The following CSMD1 variants were observed in gnomAD, a reference collection of about 807,000 sequenced individuals.
CSMD1 encodes CUB and sushi domain-containing protein 1.
CSMD1 carries 213 observed loss-of-function variants against 417.5 expected under a neutral mutation model. The observed-to-expected ratio is 0.51, with a 90% CI of 0.46 to 0.57. The LOEUF is 0.57. Among genes scored for constraint, CSMD1 ranks in the 20% least tolerant of loss-of-function variants. The probability of loss-of-function intolerance (pLI) is 0.00; values close to 1 mark genes in which losing one functional copy is unlikely to be tolerated. For synonymous variants in CSMD1, 2,862 were observed against 1,736.8 expected (o/e 1.65, Z -16.11); for missense variants, 6,923 against 4,529.7 (o/e 1.53, Z -15.17).
chr8:3,833,854 C>T lies in CSMD1; in HGVS notation c.819-79812G>A, dbSNP rs1207769711. On this transcript the variant is annotated intron_variant, in intron 5 of 69. Transcript: ENST00000635120. Reference sequence around the variant, plus strand: ...AATATAAGACGTTTTTCTTTAACTCCCAAACTTTGATTTGAAGTGTAGTTG... The same window carrying T: ...AATATAAGACGTTTTTCTTTAACTCTCAAACTTTGATTTGAAGTGTAGTTG... 3.9e-5 allele frequency among the ~76,000 whole-genome samples: 6 copies of T among 152,110 alleles called. No homozygotes were observed. The East Asian group carries it at 9.7e-4, about 24-fold the overall frequency.
chr8:3,837,296 C>A (rs1308946153), intron 5 of CSMD1, among the ~76,000 whole-genome samples: 2 of 152,106 alleles, frequency 1.3e-5, no homozygotes, highest in Admixed American at 1.3e-4. Context: ...TCTTCAACAA[C>A]AGAAGAAAAT....
chr8:4,763,563 T>C (rs182614928), intron 1 of CSMD1, among the ~76,000 whole-genome samples: 177 of 152,312 alleles, frequency 1.2e-3, no homozygotes, highest in Non-Finnish European at 1.9e-3. Flanking sequence ...AGCAGATCTA[T>C]TGTCTTACTT....
intron 3 of CSMD1, among the ~76,000 whole-genome samples, chr8:4,148,536 T>C (rs1291000267): frequency 1.3e-5 from 2 of 151,588 alleles, no homozygotes; most frequent in East Asian, 3.9e-4. Context: ...AAAAACGCAT[T>C]GGCTACTTGG....
chr8:4,021,632 T>C (rs1262568134), intron 4 of CSMD1, among the ~76,000 whole-genome samples: 1 of 152,188 alleles, frequency 6.6e-6, no homozygotes, highest in Admixed American at 6.5e-5. Flanking sequence ...GCTGCTCTTT[T>C]TAAACTCTCT....
chr8:4,059,972 C>T (rs919890620), intron 3 of CSMD1, among the ~76,000 whole-genome samples: 7 of 152,172 alleles, frequency 4.6e-5, no homozygotes, highest in Admixed American at 2.0e-4. Context: ...ATACCAAAGC[C>T]GGGCAGAGAC....
intron 1 of CSMD1, among the ~76,000 whole-genome samples, chr8:4,688,773 G>T (rs1425467555): frequency 1.3e-5 from 2 of 152,084 alleles, no homozygotes; most frequent in Non-Finnish European, 2.9e-5. Flanking sequence ...GATAACCCAA[G>T]ACTCAAAACT....
At chr8:3,301,016 A>C (rs915645598) in intron 25 of CSMD1, among the ~76,000 whole-genome samples, 3 of 151,772 alleles carry the variant, frequency 2.0e-5, no homozygotes, top group African/African-American at 7.3e-5. Flanking sequence ...TAAACAAGCA[A>C]CAAGAGAGAC....
At chr8:3,536,662 C>G (rs979368416) in intron 10 of CSMD1, among the ~76,000 whole-genome samples, 1 of 152,090 alleles carries the variant, frequency 6.6e-6, no homozygotes, top group Admixed American at 6.5e-5. Context: ...TGGCAGTGGT[C>G]AGAAGTGTAG....
At chr8:3,782,893 A>T (rs564939413) in intron 5 of CSMD1, among the ~76,000 whole-genome samples, 10 of 152,330 alleles carry the variant, frequency 6.6e-5, no homozygotes, top group East Asian at 3.9e-4. Flanking sequence ...CCATTACCAA[A>T]AAATAAATAA....
chr8:4,123,440 CTTTAATG>C (rs1802595975), intron 3 of CSMD1, among the ~76,000 whole-genome samples: 1 of 152,076 alleles, frequency 6.6e-6, no homozygotes, highest in African/African-American at 2.4e-5. Context: ...TATATTTGGC[CTTTAATG>C]TTTAAATATC....
chr8:4,060,990 C>G (rs565576842), intron 3 of CSMD1, among the ~76,000 whole-genome samples: 23 of 152,160 alleles, frequency 1.5e-4, no homozygotes, highest in African/African-American at 5.5e-4. Flanking sequence ...TGCTTGTGAG[C>G]AAGCAAAGCA....
At chr8:4,376,926 T>C (rs1802784836) in intron 3 of CSMD1, among the ~76,000 whole-genome samples, 1 of 152,182 alleles carries the variant, frequency 6.6e-6, no homozygotes, top group African/African-American at 2.4e-5. Flanking sequence ...TGCAATTTTA[T>C]GGAACGGGGG....
At chr8:3,077,224 G>A (rs952583727) in intron 49 of CSMD1, among the ~76,000 whole-genome samples, 1 of 151,172 alleles carries the variant, frequency 6.6e-6, no homozygotes, top group African/African-American at 2.5e-5. Flanking sequence ...CATTGGTCAT[G>A]GAGGACTAAA....
At chr8:4,462,624 T>G (rs1345943186) in intron 2 of CSMD1, among the ~76,000 whole-genome samples, 5 of 152,214 alleles carry the variant, frequency 3.3e-5, no homozygotes, top group Non-Finnish European at 7.4e-5. Context: ...GATTCCATTA[T>G]GCTTGCATTA....
At chr8:4,804,769 G>C (rs1261688437) in intron 1 of CSMD1, among the ~76,000 whole-genome samples, 5 of 152,096 alleles carry the variant, frequency 3.3e-5, no homozygotes, top group Non-Finnish European at 7.4e-5. Flanking sequence ...CTTAGTATTT[G>C]TTCTGTTTAC....
At chr8:4,932,135 G>T (rs528841196) in intron 1 of CSMD1, among the ~76,000 whole-genome samples, 4 of 152,224 alleles carry the variant, frequency 2.6e-5, no homozygotes, top group African/African-American at 9.6e-5. Context: ...TCACATTTCT[G>T]TTGCTTCTAG....
At chr8:3,961,471 T>A (rs1401557557) in intron 5 of CSMD1, among the ~76,000 whole-genome samples, 1 of 152,200 alleles carries the variant, frequency 6.6e-6, no homozygotes, top group Non-Finnish European at 1.5e-5. Context: ...AAAATGACAT[T>A]TTAAAAGTCT....
At chr8:4,007,541 C>G (rs544563804) in intron 4 of CSMD1, among the ~76,000 whole-genome samples, 1 of 152,174 alleles carries the variant, frequency 6.6e-6, no homozygotes, top group Non-Finnish European at 1.5e-5. Context: ...GATTGCTTCC[C>G]ACCTCTCCAT....
Position 4,356,611 on chromosome 8 carries a change from G to A in CSMD1, c.415+63342C>T, listed in dbSNP as rs560762926. On this transcript the variant is annotated intron_variant, in intron 3 of 69. Transcript: ENST00000635120. ...CCTCTATCCTGTAAGCATCTTGGCT[G>A]TTTTCACTGTGTCTGCTTTATTCTG... is the stretch of plus-strand genomic sequence containing the variant. Among the ~76,000 whole-genome samples, 11 of 152,294 alleles carry A rather than the reference G, an allele frequency of 7.2e-5. No individual in the cohort carries two copies. In the East Asian group the frequency reaches 2.1e-3, roughly 29 times the overall value.
Sources: gnomAD v4.1 joint callset for allele counts (sites outside exome capture counted in the v4.1 genomes callset) on GRCh38, gnomAD v4.1.1 for gene constraint, MANE v1.5 for transcripts, NCBI Gene and HGNC (gene_info 2026-07-23, HGNC 2026-07-21) for gene names.